EML1: variants seen among roughly 807,000 people sequenced by gnomAD.
EML1 encodes EMAP like 1.
A neutral mutation model predicts 110.4 loss-of-function variants in EML1; 27 were observed. The ratio of observed to expected loss-of-function variants is 0.24; its 90% CI spans 0.18 to 0.34. The LOEUF is 0.34. Ranked by LOEUF, EML1 falls within the 10% of genes least tolerant of loss-of-function variation. The pLI is 1.00. For synonymous variants in EML1, 344 were observed against 385.8 expected, an observed-to-expected ratio of 0.89 and a Z score of 1.27; for missense variants, 741 against 1,030.9, an observed-to-expected ratio of 0.72 and a Z score of 3.85.
At chr14:99,779,390 GAT>G (rs942810496) in intron 1 of EML1, among the ~76,000 whole-genome samples, 1 of 152,110 alleles carries the variant, frequency 6.6e-6, no homozygotes, top group African/African-American at 2.4e-5. Flanking sequence ...GACCTATGAG[GAT>G]ATAAATAATA....
At chr14:99,924,540 A>G (rs1595489985) in intron 17 of EML1, among the ~76,000 whole-genome samples, 1 of 152,252 alleles carries the variant, frequency 6.6e-6, no homozygotes, top group East Asian at 1.9e-4. Flanking sequence ...AGTTATGTGA[A>G]TATGGTTTCT....
chr14:99,789,249 T>C (rs529436223), upstream of EML1, among the ~76,000 whole-genome samples: 1 of 152,296 alleles, frequency 6.6e-6, no homozygotes, highest in East Asian at 1.9e-4. Flanking sequence ...TGCTCCATTG[T>C]CCAGGATAGA....
At chr14:99,763,840 C>T (rs1368682308) in intron 1 of EML1, among the ~76,000 whole-genome samples, 1 of 152,160 alleles carries the variant, frequency 6.6e-6, no homozygotes, top group East Asian at 1.9e-4. Flanking sequence ...GGACCCTAAT[C>T]CAAATCACCA....
Position 99,766,193 on chromosome 14 carries a change from A to C in EML1, c.28+28333A>C, listed in dbSNP as rs374229455. ...TGGATCACATGGAAATTAAACTTTT[A>C]CTTTTTTTTTTTTTTTTTTGAGACA... On this transcript the variant is annotated intron_variant, in intron 1 of 10. Transcript: ENST00000554479. 5.0e-5 allele frequency among the ~76,000 whole-genome samples: 5 copies of C among 100,952 alleles called. No individual in the cohort carries two copies. In the East Asian group the frequency reaches 1.1e-3, roughly 22 times the overall value. The allele number at this position is 100,952 out of a possible 152,430, so 66.2% of individuals were successfully genotyped here. A position where few individuals can be genotyped will look rare whatever the true frequency, so the allele number is the denominator to read the frequency against.
intron 4 of EML1, among the ~76,000 whole-genome samples, chr14:99,879,769 G>A (rs896542751): frequency 1.3e-5 from 2 of 152,222 alleles, no homozygotes; most frequent in Non-Finnish European, 2.9e-5. Context: ...ATGAGGCCAA[G>A]TGGTTACAGT....
chr14:99,921,228 C>T (rs1408254406), intron 17 of EML1, among the ~76,000 whole-genome samples: 1 of 152,080 alleles, frequency 6.6e-6, no homozygotes, highest in African/African-American at 2.4e-5. Flanking sequence ...CAGCTCCATC[C>T]ATATCCCCAC....
At chr14:99,910,389 A>G (rs369655711) in intron 12 of EML1, 48 bp downstream of exon 12, 1 of 1,454,732 alleles carries the variant, frequency 6.9e-7, no homozygotes, top group African/African-American at 1.4e-5. Flanking sequence ...TAATGTTGTA[A>G]GAGATCAAAC....
chr14:99,919,324 G>C (rs2060087220), intron 16 of EML1, among the ~76,000 whole-genome samples: 1 of 151,980 alleles, frequency 6.6e-6, no homozygotes, highest in Non-Finnish European at 1.5e-5. Context: ...GCCCTTTGCA[G>C]GTCATAGGTA....
chr14:99,856,511 G>A (rs1828760555), intron 2 of EML1, among the ~76,000 whole-genome samples: 1 of 152,092 alleles, frequency 6.6e-6, no homozygotes, highest in Admixed American at 6.6e-5. Context: ...TCTTTATCCT[G>A]GTTAACCAAA....
chr14:99,763,561 G>A (rs548051338), intron 1 of EML1, among the ~76,000 whole-genome samples: 124 of 152,278 alleles, frequency 8.1e-4, no homozygotes, highest in African/African-American at 2.8e-3. Flanking sequence ...GGCCCCACCA[G>A]CCCTCAGAGA....
At chr14:99,842,483 A>G (rs929839415) in intron 1 of EML1, among the ~76,000 whole-genome samples, 11 of 152,334 alleles carry the variant, frequency 7.2e-5, no homozygotes, top group African/African-American at 1.9e-4. Flanking sequence ...GGTTAAAGCA[A>G]TGATTTTGGC....
chr14:99,818,842 C>T (rs187397359), intron 1 of EML1, among the ~76,000 whole-genome samples: 199 of 152,298 alleles, frequency 1.3e-3, no homozygotes, highest in African/African-American at 4.5e-3. Flanking sequence ...AGGCCTGGAT[C>T]GTCCTGGTCC....
chr14:99,768,963 C>T (rs1354578480), upstream of EML1, among the ~76,000 whole-genome samples: 1 of 152,184 alleles, frequency 6.6e-6, no homozygotes, highest in Non-Finnish European at 1.5e-5. Flanking sequence ...GATGATCTGC[C>T]TGCCTTGGCC....
intron 3 of EML1, among the ~76,000 whole-genome samples, chr14:99,870,532 G>A (rs1221477122): frequency 6.6e-6 from 1 of 152,198 alleles, no homozygotes; most frequent in African/African-American, 2.4e-5. Flanking sequence ...GTGCCATCTA[G>A]GGCTTTTATA....
intron 17 of EML1, among the ~76,000 whole-genome samples, chr14:99,922,787 CT>C (rs1267147332): frequency 6.6e-6 from 1 of 152,090 alleles, no homozygotes; most frequent in Non-Finnish European, 1.5e-5. Flanking sequence ...CCAATATCTT[CT>C]TTGGTGAAAT....
At chr14:99,756,080 T>C (rs538844205) in intron 1 of EML1, among the ~76,000 whole-genome samples, 2 of 152,262 alleles carry the variant, frequency 1.3e-5, no homozygotes, top group East Asian at 3.9e-4. Context: ...CAGGATGGCT[T>C]TCAGGGAAAT....
intron 1 of EML1, among the ~76,000 whole-genome samples, chr14:99,759,819 A>T (rs1256823761): frequency 6.6e-6 from 1 of 152,126 alleles, no homozygotes; most frequent in African/African-American, 2.4e-5. Flanking sequence ...ATGCATCAAG[A>T]GCTGTGAGAC....
chr14:99,766,039 CA>C lies in EML1; in HGVS notation c.28+28181del, dbSNP rs563840873. On this transcript the variant is annotated intron_variant, in intron 1 of 10. Coordinates refer to the EML1 transcript ENST00000554479. The stretch of plus-strand genomic sequence containing the variant: ...ATTTACTACTTACCCATTCATCCAT[CA>C]ATGAACACTTAGGCTGTTTCCACCT... Among the ~76,000 whole-genome samples the C allele has an allele frequency of 3.5e-3, 535 of 152,242 alleles. 3 individuals are homozygous for C. The highest frequency in any genetic ancestry group is 0.02 in the Middle Eastern group (6 of 294).
Position 99,914,184 on chromosome 14 carries a change from A to G in EML1, c.1500A>G (p.Pro500=). Residue 500 remains proline (P), a synonymous_variant, in exon 14 of 22, where the codon CCA becomes CCG. Transcript: ENST00000262233. ...CATATGACTTTTCAATGCAGATTCC[A>G]GAACAGTTTGGTCCAATACGGACAG... ...NYQKLRKTEI[P]EQFGPIRTVA... 1 of 1,606,772 alleles carries G rather than the reference A, an allele frequency of 6.2e-7. No individual in the cohort carries two copies. Among genetic ancestry groups the G allele is most frequent in the Non-Finnish European group, 8.5e-7 (1 of 1,174,032 alleles).
Sources: allele counts gnomAD v4.1 joint callset (sites outside exome capture counted in the v4.1 genomes callset), GRCh38; gene constraint gnomAD v4.1.1; transcripts MANE v1.5; gene names NCBI Gene and HGNC (gene_info 2026-07-23, HGNC 2026-07-21).